The following PIK3C2G variants were observed in gnomAD, a reference collection of about 807,000 sequenced individuals.
PIK3C2G encodes the protein phosphatidylinositol-4-phosphate 3-kinase catalytic subunit type 2 gamma, also known as phosphatidylinositol 3-kinase C2 domain-containing subunit gamma.
In PIK3C2G, 168 loss-of-function variants were observed where a neutral mutation model predicts 181.1. The observed-to-expected ratio is 0.93, with a 90% confidence interval of 0.82 to 1.05. The LOEUF (loss-of-function observed/expected upper bound fraction) is 1.05, where lower values mean the gene tolerates loss of function less well. Ranked by LOEUF, PIK3C2G falls within the 50% of genes least tolerant of loss-of-function variation. The probability of loss-of-function intolerance (pLI) is 0.00; values close to 1 mark genes in which losing one functional copy is unlikely to be tolerated. For missense variants in PIK3C2G, 1,869 were observed against 1,732.8 expected, an observed-to-expected ratio of 1.08 and a Z score of -1.40; for synonymous variants, 573 against 592.2, an observed-to-expected ratio of 0.97 and a Z score of 0.47.
At chr12:18,438,631 C>T (rs1263943708) in intron 18 of PIK3C2G, among the ~76,000 whole-genome samples, 1 of 151,864 alleles carries the variant, frequency 6.6e-6, no homozygotes, top group African/African-American at 2.4e-5. Context: ...GAAGAGCCAA[C>T]ATTTGATCCT....
upstream of PIK3C2G, chr12:18,261,428 C>G (rs1025291184): frequency 7.9e-5 from 12 of 151,650 alleles, no homozygotes; most frequent in African/African-American, 2.9e-4. Flanking sequence ...AATAGATTTC[C>G]AAACACGCCC....
At position 18,433,095 on chromosome 12, in the gene PIK3C2G, A is replaced by C. The variant is rs375445041; in HGVS notation, c.2504+9056A>C. 3.9e-5 allele frequency among the ~76,000 whole-genome samples: 6 copies of C among 152,194 alleles called. No individual in the cohort carries two copies. The East Asian group carries it at 5.8e-4, about 15-fold the overall frequency. On this transcript the variant is annotated intron_variant, in intron 18 of 32. Coordinates refer to ENST00000538779, the MANE Select transcript of PIK3C2G (RefSeq NM_001288772.2). ...GTTGGCATGACTCACAAGTGCTGTC[A>C]GTTGTAAATGTTAATAAGTAGGTAT...
chr12:18,352,087 G>C (rs1161112161), intron 11 of PIK3C2G, among the ~76,000 whole-genome samples: 3 of 152,150 alleles, frequency 2.0e-5, no homozygotes, highest in Non-Finnish European at 4.4e-5. Flanking sequence ...GTGGTTGGTT[G>C]AATCTGTGGA....
chr12:18,493,036 G>A (rs1336033361), intron 20 of PIK3C2G: 2 of 152,294 alleles, frequency 1.3e-5, no homozygotes, highest in African/African-American at 4.8e-5. Flanking sequence ...ACACCATCTT[G>A]GGAAACATTT....
At chr12:18,391,654 A>T (rs1017085904) in intron 15 of PIK3C2G, among the ~76,000 whole-genome samples, 13 of 152,148 alleles carry the variant, frequency 8.5e-5, no homozygotes, top group Non-Finnish European at 1.6e-4. Context: ...GAAAAGAAAT[A>T]AGTCTTGTTT....
At chr12:18,319,160 T>C (rs1235450196) in intron 6 of PIK3C2G, among the ~76,000 whole-genome samples, 1 of 152,178 alleles carries the variant, frequency 6.6e-6, no homozygotes, top group Non-Finnish European at 1.5e-5. Flanking sequence ...ATTTTAAAGC[T>C]GCTACCTTGA....
chr12:18,332,195 G>A (rs1039037679), intron 8 of PIK3C2G, among the ~76,000 whole-genome samples: 3 of 152,082 alleles, frequency 2.0e-5, no homozygotes, highest in Non-Finnish European at 4.4e-5. Flanking sequence ...GGAGCCTGTG[G>A]TACCATGACA....
chr12:18,255,919 G>T (rs1948141769), intron 1 of PIK3C2G, among the ~76,000 whole-genome samples: 1 of 151,542 alleles, frequency 6.6e-6, no homozygotes, highest in Admixed American at 6.6e-5. Flanking sequence ...TGATTATCGA[G>T]GAAGAATTAT....
At chr12:18,346,117 T>C (rs1939646556) in intron 10 of PIK3C2G, among the ~76,000 whole-genome samples, 1 of 152,244 alleles carries the variant, frequency 6.6e-6, no homozygotes, top group African/African-American at 2.4e-5. Context: ...AAATCTTTCA[T>C]TTCAAGCTGG....
upstream of PIK3C2G, among the ~76,000 whole-genome samples, chr12:18,261,296 A>G (rs1948225166): frequency 6.6e-6 from 1 of 152,180 alleles, no homozygotes; most frequent in Admixed American, 6.6e-5. Flanking sequence ...TTTGGCCCGA[A>G]TTCTGTTTAG....
chr12:18,478,844 G>A (rs1000239733), intron 18 of PIK3C2G, among the ~76,000 whole-genome samples: 85 of 151,782 alleles, frequency 5.6e-4, no homozygotes, highest in African/African-American at 1.5e-3. Flanking sequence ...ACGTGGCGGC[G>A]CAAGCCTGTG....
chr12:18,289,189 T>C (rs766005395), intron 3 of PIK3C2G, among the ~76,000 whole-genome samples: 2 of 152,154 alleles, frequency 1.3e-5, no homozygotes, highest in Non-Finnish European at 2.9e-5. Flanking sequence ...GAAGATCAAA[T>C]GGAATTTGAG....
chr12:18,521,509 G>T (rs980738352), intron 24 of PIK3C2G, among the ~76,000 whole-genome samples: 1 of 152,134 alleles, frequency 6.6e-6, no homozygotes, highest in Non-Finnish European at 1.5e-5. Flanking sequence ...TCAGGGTCAG[G>T]CATGAAGAGG....
intron 31 of PIK3C2G, among the ~76,000 whole-genome samples, chr12:18,633,557 G>A (rs589047): frequency 0.53 from 81,245 of 152,012 alleles, 23,245 homozygotes; most frequent in Admixed American, 0.63. Flanking sequence ...TGGAGTGGTC[G>A]TTGTAGTATT....
downstream of PIK3C2G, among the ~76,000 whole-genome samples, chr12:18,651,231 C>T (rs577101729): frequency 1.3e-4 from 20 of 152,028 alleles, no homozygotes; most frequent in Middle Eastern, 3.4e-3. Flanking sequence ...CCAAAATGTG[C>T]CTTTGTGCCC....
chr12:18,566,992 A>G lies in PIK3C2G; in HGVS notation c.3946A>G (p.Arg1316Gly), dbSNP rs200838936. 159 of 1,600,224 alleles carry G rather than the reference A, an allele frequency of 9.9e-5. No individual in the cohort carries two copies. Among genetic ancestry groups the G allele is most frequent in the Middle Eastern group, 4.9e-4 (3 of 6,062 alleles). ...CCTACCTTTTACAAATTCAGATCAC[A>G]GAAGATTCAGAGATCTAAATCATTA... The part of the protein sequence containing the change: ...WHLPFTNSDH[R>G]RFRDLNHYME... The change falls in exon 29 of 33, where the codon AGA becomes GGA. Residue 1316 changes from arginine (R) to glycine (G), a missense_variant. By Grantham distance (125) the Arg-to-Gly change is moderately radical. Transcript: ENST00000538779.
intron 20 of PIK3C2G, among the ~76,000 whole-genome samples, chr12:18,492,278 C>A (rs185188375): frequency 9.4e-4 from 143 of 152,216 alleles, no homozygotes; most frequent in African/African-American, 3.3e-3. Flanking sequence ...AGCTATCATG[C>A]ACGGACAATA....
At chr12:18,700,906 C>T in the PIK3C2G span, among the ~76,000 whole-genome samples, 4 of 151,886 alleles carry the variant, frequency 2.6e-5, no homozygotes, top group Admixed American at 2.0e-4. Flanking sequence ...AGGGAAATTA[C>T]GTTGTGTATC....
the PIK3C2G span, among the ~76,000 whole-genome samples, chr12:18,687,469 T>C: frequency 2.0e-5 from 3 of 152,112 alleles, no homozygotes; most frequent in African/African-American, 7.2e-5. Context: ...TTTTCTAATT[T>C]CCTTAGTCAT....
Sources: gnomAD v4.1 joint callset for allele counts (sites outside exome capture counted in the v4.1 genomes callset) on GRCh38, gnomAD v4.1.1 for gene constraint, MANE v1.5 for transcripts, NCBI Gene and HGNC (gene_info 2026-07-23, HGNC 2026-07-21) for gene names.